DMD: variants seen among roughly 807,000 people sequenced by gnomAD.
DMD encodes dystrophin.
A neutral mutation model predicts 330.1 loss-of-function variants in DMD; 63 were observed. The observed-to-expected ratio is 0.19, with a 90% CI of 0.16 to 0.24. DMD has a LOEUF of 0.24. Among genes scored for constraint, DMD ranks in the 10% least tolerant of loss-of-function variants. The probability of loss-of-function intolerance (pLI) is 1.00; values close to 1 mark genes in which losing one functional copy is unlikely to be tolerated. For synonymous variants in DMD, 1,223 were observed against 959.8 expected, an observed-to-expected ratio of 1.27 and a Z score of -5.07; for missense variants, 3,344 against 2,684.1, an observed-to-expected ratio of 1.25 and a Z score of -5.43.
intron 44 of DMD, among the ~76,000 whole-genome samples, chrX:32,087,986 T>C (rs1458968987): frequency 8.9e-6 from 1 of 112,152 alleles, no homozygotes; most frequent in Admixed American, 9.5e-5. Flanking sequence ...ATTTTGGTAA[T>C]GGGAAATGAA....
chrX:32,700,572 C>T lies in DMD; in HGVS notation c.650-1279G>A, dbSNP rs971154074. The stretch of plus-strand genomic sequence containing the variant: ...TTAAGTATACTCACCATGAAACATG[C>T]TAAGCATATGAAGTAAAACATGTAT... On this transcript the variant is annotated intron_variant, in intron 7 of 78. Transcript: ENST00000357033. Among the ~76,000 whole-genome samples the T allele has an allele frequency of 1.7e-4, 19 of 111,490 alleles. No homozygotes were observed. In the Admixed American group the frequency reaches 1.7e-3, roughly 10 times the overall value.
At chrX:33,212,750 T>C (rs948035626), upstream of DMD, among the ~76,000 whole-genome samples, 1 of 112,168 alleles carries the variant, frequency 8.9e-6, no homozygotes, top group East Asian at 2.8e-4. Flanking sequence ...AGATAAAACA[T>C]AAGGCCTAAT....
chrX:31,844,299 A>ATTTTTTT (rs35743535), intron 48 of DMD, among the ~76,000 whole-genome samples: 1 of 97,133 alleles, frequency 1.0e-5, no homozygotes, highest in African/African-American at 3.8e-5. Context: ...TCCTTTCCCC[A>ATTTTTTT]TTTTTTTTTT....
chrX:31,766,610 C>T (rs960330902), intron 51 of DMD, among the ~76,000 whole-genome samples: 37 of 111,897 alleles, frequency 3.3e-4, no homozygotes, highest in African/African-American at 1.1e-3. Context: ...TATCAGAATC[C>T]CACTGGTATT....
intron 30 of DMD, among the ~76,000 whole-genome samples, chrX:32,401,187 G>C (rs1172527192): frequency 6.8e-5 from 6 of 88,836 alleles, no homozygotes; most frequent in Non-Finnish European, 1.1e-4. Flanking sequence ...GTTGTGGGGT[G>C]GGGGGAGGGG....
chrX:32,405,380 A>G (rs1432072389), intron 30 of DMD, among the ~76,000 whole-genome samples: 1 of 111,711 alleles, frequency 9.0e-6, no homozygotes, highest in Non-Finnish European at 1.9e-5. Context: ...TTCGTGATTT[A>G]ATTTTTTATT....
At chrX:31,880,064 T>G (rs758550481) in intron 47 of DMD, among the ~76,000 whole-genome samples, 2 of 112,203 alleles carry the variant, frequency 1.8e-5, no homozygotes, top group South Asian at 7.3e-4. Flanking sequence ...ACTTTCCTTA[T>G]TCTTTCAATC....
intron 1 of DMD, among the ~76,000 whole-genome samples, chrX:33,079,338 A>T (rs1282258468): frequency 8.9e-6 from 1 of 111,812 alleles, no homozygotes; most frequent in Non-Finnish European, 1.9e-5. Flanking sequence ...AAGAGGACAA[A>T]AATGAGACAA....
intron 44 of DMD, among the ~76,000 whole-genome samples, chrX:32,135,963 G>T (rs2096722650): frequency 9.0e-6 from 1 of 110,985 alleles, no homozygotes; most frequent in African/African-American, 3.3e-5. Flanking sequence ...AATTGGAATT[G>T]GCATTATAAA....
At chrX:31,806,782 G>A (rs2092305011) in intron 50 of DMD, among the ~76,000 whole-genome samples, 1 of 112,681 alleles carries the variant, frequency 8.9e-6, no homozygotes, top group African/African-American at 3.2e-5. Context: ...CAGCCAAGAA[G>A]CATGCTTAAG....
chrX:32,784,580 A>G (rs1323228660), intron 7 of DMD, among the ~76,000 whole-genome samples: 1 of 111,941 alleles, frequency 8.9e-6, no homozygotes, highest in Non-Finnish European at 1.9e-5. Context: ...TAAGAAATCA[A>G]TTAACTTCCA....
chrX:32,576,268 A>G (rs930426144), intron 13 of DMD, among the ~76,000 whole-genome samples: 5 of 111,726 alleles, frequency 4.5e-5, no homozygotes, highest in Non-Finnish European at 9.4e-5. Flanking sequence ...TTTCACGGAT[A>G]GACTTGCTCT....
At chrX:32,219,963 A>T (rs779860923) in intron 43 of DMD, among the ~76,000 whole-genome samples, 9 of 77,654 alleles carry the variant, frequency 1.2e-4, no homozygotes, top group Admixed American at 6.2e-4. Context: ...ACAAGTTTCT[A>T]CAAGTTATCT....
At chrX:33,247,193 G>A (rs992949231) in intron 1 of DMD, among the ~76,000 whole-genome samples, 1 of 111,380 alleles carries the variant, frequency 9.0e-6, no homozygotes, top group Non-Finnish European at 1.9e-5. Flanking sequence ...TTTATATTCC[G>A]AATCAGTCCT....
chrX:32,033,394 C>G (rs899845045), intron 44 of DMD, among the ~76,000 whole-genome samples: 1 of 109,726 alleles, frequency 9.1e-6, no homozygotes, highest in African/African-American at 3.3e-5. Context: ...GTCATTAACA[C>G]AGTAAAATTT....
intron 16 of DMD, among the ~76,000 whole-genome samples, chrX:32,560,195 A>AATAT (rs1556797151): frequency 9.2e-6 from 1 of 108,171 alleles, no homozygotes. Flanking sequence ...TGAAAAAAAA[A>AATAT]ATATATATAT....
intron 60 of DMD, among the ~76,000 whole-genome samples, chrX:31,374,500 T>G (rs1282705247): frequency 5.9e-4 from 64 of 107,971 alleles, no homozygotes; most frequent in African/African-American, 2.0e-3. Context: ...CCATAAAAAA[T>G]GATGAGTTCA....
intron 29 of DMD, among the ~76,000 whole-genome samples, chrX:32,433,923 G>A (rs946631151): frequency 1.8e-5 from 2 of 111,852 alleles, no homozygotes; most frequent in African/African-American, 6.5e-5. Flanking sequence ...TGTTGGAGAT[G>A]TTGCCTGGTT....
At chrX:32,791,852 C>T (rs1045350657) in intron 7 of DMD, among the ~76,000 whole-genome samples, 1 of 111,421 alleles carries the variant, frequency 9.0e-6, no homozygotes, top group Admixed American at 9.5e-5. Flanking sequence ...CCAAGTCTAG[C>T]AAGAGATTTA....
Sources: gnomAD v4.1 joint callset for allele counts (sites outside exome capture counted in the v4.1 genomes callset) on GRCh38, gnomAD v4.1.1 for gene constraint, MANE v1.5 for transcripts, NCBI Gene and HGNC (gene_info 2026-07-23, HGNC 2026-07-21) for gene names.